Variants in ENDOG observed in about 807,000 individuals in gnomAD.
ENDOG encodes the protein endonuclease G, mitochondrial.
ENDOG carries 22 observed loss-of-function variants against 22.6 expected under a neutral mutation model. That is an observed-to-expected ratio of 0.97 (90% CI 0.70 to 1.39). The LOEUF (loss-of-function observed/expected upper bound fraction) is 1.39, where lower values mean the gene tolerates loss of function less well. Ranked by LOEUF, ENDOG falls within the 40% of genes most tolerant of loss-of-function variation. The pLI, the probability that ENDOG is intolerant of heterozygous loss-of-function variation, is 0.00. For synonymous variants in ENDOG, 173 were observed against 200.2 expected (o/e 0.86, Z 1.15); for missense variants, 403 against 431.3 (o/e 0.93, Z 0.58).
At chr9:128,820,670 G>A in intron 1 of ENDOG, 69 bp from the exon 2 acceptor site, 2 of 1,347,212 alleles carry the variant, frequency 1.5e-6, no homozygotes, top group Non-Finnish European at 2.1e-6. Context: ...CTCAGGACCT[G>A]GGGCGGCCCT....
intron 2 of ENDOG, 196 bp downstream of exon 2, chr9:128,821,044 CT>C (rs1830103332): frequency 1.7e-6 from 1 of 594,536 alleles, no homozygotes; most frequent in African/African-American, 1.9e-5. Context: ...TCGGGTACCC[CT>C]GACCATCTCT....
In ENDOG at chr9:128,822,305, C is replaced by T. The variant is rs373823808; in HGVS notation, c.612-23C>T. ...TGGGTTCATCCAGGCCCCCTGCCCA[C>T]GTGTGCCTGGGTCTGCCCACAGGAC... On this transcript the variant is annotated intron_variant, in intron 2 of 2. Coordinates refer to ENST00000372642, the MANE Select transcript of ENDOG (RefSeq NM_004435.2). 3.9e-5 allele frequency: 62 copies of T among 1,606,022 alleles called. No individual in the cohort carries two copies. In the African/African-American group the frequency reaches 6.1e-4, roughly 16 times the overall value.
chr9:128,820,626 T>C lies in ENDOG; in HGVS notation c.502-113T>C, dbSNP rs1268929289. On this transcript the variant is annotated intron_variant, in intron 1 of 2. Coordinates refer to ENST00000372642, the MANE Select transcript of ENDOG (RefSeq NM_004435.2). ...CCTTGAGCCTCAGTTTCCCCCCGCT[T>C]GTCTCACTGGATATCTCTGAGCCTG... The C allele has an allele frequency of 1.2e-5, 10 of 836,474 alleles. No homozygotes were observed. In the African/African-American group the frequency reaches 1.7e-4, roughly 14 times the overall value. The allele number at this position is 836,474 out of a possible 1,614,324, so 51.8% of individuals were successfully genotyped here.
intron 1 of ENDOG, 64 bp from the exon 2 acceptor site, chr9:128,820,675 G>A (rs1050317004): frequency 8.0e-6 from 11 of 1,381,760 alleles, no homozygotes; most frequent in Admixed American, 2.0e-5. Flanking sequence ...GACCTGGGGC[G>A]GCCCTCTGAT....
At position 128,819,077 on chromosome 9, in the gene ENDOG, C is replaced by T; in HGVS notation, c.393C>T (p.Asp131=). ...CGTACCACCGTGCCACCAACGCCGA[C>T]TACCGCGGCAGTGGCTTCGACCGCG... is the stretch of plus-strand genomic sequence containing the variant. The part of the protein sequence containing the change: ...VHAYHRATNA[D]YRGSGFDRGH... Residue 131 remains aspartate (D), a synonymous_variant, in exon 1 of 3, where the codon GAC becomes GAT. Coordinates refer to ENST00000372642, the MANE Select transcript of ENDOG (RefSeq NM_004435.2). 6.6e-7 allele frequency: 1 copy of T among 1,518,314 alleles called. No individual in the cohort carries two copies. The highest frequency in any genetic ancestry group is 8.8e-7 in the Non-Finnish European group (1 of 1,138,640). 94.1% of individuals were successfully genotyped at this position (1,518,314 alleles called of 1,614,324 possible). A position where few individuals can be genotyped will look rare whatever the true frequency, so the allele number is the denominator to read the frequency against.
In ENDOG at chr9:128,822,562, C is replaced by G; in HGVS notation, c.846C>G (p.Ile282Met). Residue 282 changes from isoleucine (I) to methionine (M), a missense_variant, in exon 3 of 3, where the codon ATC (isoleucine) becomes ATG (methionine). Coordinates refer to ENST00000372642, the MANE Select transcript of ENDOG (RefSeq NM_004435.2). Reference sequence around the variant, plus strand: ...CGGGGCTGCTCTTTGTGCCAAACATCCTGGCGCGGGCAGGCAGCCTCAAGG... The same window carrying G: ...CGGGGCTGCTCTTTGTGCCAAACATGCTGGCGCGGGCAGGCAGCCTCAAGG... ...RASGLLFVPN[I>M]LARAGSLKAI... 13 of 1,564,544 alleles carry G rather than the reference C, an allele frequency of 8.3e-6. No individual in the cohort carries two copies. The highest frequency in any genetic ancestry group is 1.1e-5 in the Non-Finnish European group (13 of 1,154,226).
At position 128,818,614 on chromosome 9, in the gene ENDOG, C is replaced by T; in HGVS notation, c.-71C>T. ...TCCGCGGCCCCAGCAGCCCTGTGCC[C>T]TCGTTGGATCCCGCGACGCGGCTCC... On this transcript the variant is annotated 5_prime_UTR_variant, in exon 1 of 3. Transcript: ENST00000372642. The T allele has an allele frequency of 9.2e-7, 1 of 1,086,834 alleles. No homozygotes were observed. The highest frequency in any genetic ancestry group is 1.1e-6 in the Non-Finnish European group (1 of 895,606). 67.3% of individuals were successfully genotyped at this position (1,086,834 alleles called of 1,614,324 possible). A position where few individuals can be genotyped will look rare whatever the true frequency, so the allele number is the denominator to read the frequency against.
chr9:128,822,073 T>A (rs935044604), intron 2 of ENDOG: 7 of 553,912 alleles, frequency 1.3e-5, no homozygotes, highest in Non-Finnish European at 1.6e-5. Flanking sequence ...GGCTCGATTC[T>A]CCTAGCAGCG....
intron 2 of ENDOG, 122 bp downstream of exon 2, chr9:128,820,970 T>C: frequency 1.2e-6 from 1 of 859,614 alleles, no homozygotes; most frequent in Non-Finnish European, 1.8e-6. Context: ...ATCTGGTTTC[T>C]TGGCAAGCCT....
intron 1 of ENDOG, 117 bp from the exon 2 acceptor site, chr9:128,820,622 C>T (rs533287159): frequency 1.2e-4 from 97 of 816,444 alleles, no homozygotes; most frequent in Non-Finnish European, 1.6e-4. Flanking sequence ...AGTTTCCCCC[C>T]GCTTGTCTCA....
chr9:128,822,304 A>T, intron 2 of ENDOG, 24 bp from the exon 3 acceptor site: 1 of 1,606,034 alleles, frequency 6.2e-7, no homozygotes, highest in African/African-American at 1.3e-5. Flanking sequence ...CCCCCTGCCC[A>T]CGTGTGCCTG....
At position 128,818,811 on chromosome 9, in the gene ENDOG, C is replaced by G; in HGVS notation, c.127C>G (p.Leu43Val). ...APGLLGRLPVLPVAAAAELPP... is the reference protein window; with the variant it reads ...APGLLGRLPVVPVAAAAELPP... ...GGGACTGCTGGGCCGGCTGCCCGTGCTGCCCGTGGCGGCGGCAGCCGAGTT... is the reference window on the plus strand; with the variant it reads ...GGGACTGCTGGGCCGGCTGCCCGTGGTGCCCGTGGCGGCGGCAGCCGAGTT... Residue 43 changes from leucine to valine, a missense_variant, in exon 1 of 3, where the codon CTG (leucine) becomes GTG (valine). By Grantham distance (32) the Leu-to-Val change is conservative. Coordinates refer to ENST00000372642, the MANE Select transcript of ENDOG (RefSeq NM_004435.2). 7.8e-7 allele frequency: 1 copy of G among 1,281,192 alleles called. No individual in the cohort carries two copies. Among genetic ancestry groups the G allele is most frequent in the Non-Finnish European group, 9.9e-7 (1 of 1,015,050 alleles). The allele number at this position is 1,281,192 out of a possible 1,614,324, so 79.4% of individuals were successfully genotyped here.
In ENDOG at chr9:128,818,850, G is replaced by A. The variant is rs1363625307; in HGVS notation, c.166G>A (p.Gly56Arg). The A allele has an allele frequency of 5.7e-6, 8 of 1,392,996 alleles. No individual in the cohort carries two copies. The highest frequency in any genetic ancestry group is 3.1e-5 in the East Asian group (1 of 32,546). The allele number at this position is 1,392,996 out of a possible 1,614,324, so 86.3% of individuals were successfully genotyped here. Residue 56 changes from glycine to arginine, a missense_variant, in exon 1 of 3, where the codon GGG (glycine) becomes AGG (arginine). By Grantham distance (125) the Gly-to-Arg change is moderately radical. Coordinates refer to ENST00000372642, the MANE Select transcript of ENDOG (RefSeq NM_004435.2). ...GGCAGCCGAGTTGCCCCCTGTGCCC[G>A]GGGGACCCCGCGGCCCGGGCGAGCT... is the stretch of plus-strand genomic sequence containing the variant. ...AAAAELPPVP[G>R]GPRGPGELAK...
chr9:128,822,141 G>T, intron 2 of ENDOG, 187 bp from the exon 3 acceptor site: 1 of 669,430 alleles, frequency 1.5e-6, no homozygotes, highest in Non-Finnish European at 2.5e-6. Flanking sequence ...CAGAGGGAAA[G>T]AGTTAACCAC....
Position 128,819,011 on chromosome 9 carries a change from C to T in ENDOG, c.327C>T (p.Asp109=). The change falls in exon 1 of 3, where the codon GAC becomes GAT. Residue 109 remains aspartate (D), a synonymous_variant. Coordinates refer to ENST00000372642, the MANE Select transcript of ENDOG (RefSeq NM_004435.2). ...LRPERLRGDG[D]RRECDFREDD... is the part of the protein sequence containing the mutation. ...CCGAGCGTCTCCGCGGCGACGGCGA[C>T]CGGCGCGAGTGCGACTTCCGCGAGG... 2 of 1,485,038 alleles carry T rather than the reference C, an allele frequency of 1.3e-6. No homozygotes were observed. The highest frequency in any genetic ancestry group is 2.8e-5 in the East Asian group (1 of 36,094). 92.0% of individuals were successfully genotyped at this position (1,485,038 alleles called of 1,614,324 possible).
rs1282524326 is a variant in ENDOG, at chr9:128,822,470, G to A, written c.754G>A (p.Ala252Thr). The A allele has an allele frequency of 3.2e-6, 5 of 1,572,932 alleles. No individual in the cohort carries two copies. Among genetic ancestry groups the A allele is most frequent in the East Asian group, 2.4e-5 (1 of 42,454 alleles). ...IELRTYVMPN[A>T]PVDEAIPLER... is the part of the protein sequence containing the mutation. ...GCTCCGCACCTACGTGATGCCCAACGCACCTGTGGATGAGGCCATCCCACT... is the reference window on the plus strand; with the variant it reads ...GCTCCGCACCTACGTGATGCCCAACACACCTGTGGATGAGGCCATCCCACT... The change falls in exon 3 of 3, where the codon GCA becomes ACA. Residue 252 changes from alanine (A) to threonine (T), a missense_variant. By Grantham distance (58) the Ala-to-Thr change is moderately conservative. Transcript: ENST00000372642.
chr9:128,820,738 G>T lies in ENDOG; in HGVS notation c.502-1G>T, dbSNP rs535536814. On this transcript the variant is annotated splice_acceptor_variant, in intron 1 of 2. Coordinates refer to ENST00000372642, the MANE Select transcript of ENDOG (RefSeq NM_004435.2). LOFTEE classifies it high-confidence loss of function. ...CTGCTAAGCCCTATCTCTCCTACCA[G>T]GTGCCCCACCTCAACCAGAATGCCT... is the stretch of plus-strand genomic sequence containing the variant. 6.2e-7 allele frequency: 1 copy of T among 1,607,762 alleles called. No homozygotes were observed. Among genetic ancestry groups the T allele is most frequent in the South Asian group, 1.1e-5 (1 of 89,852 alleles).
In ENDOG at chr9:128,820,853, G is replaced by A. The variant is rs2132579344; in HGVS notation, c.611+5G>A. On this transcript the variant is annotated splice_donor_5th_base_variant and intron_variant, in intron 2 of 2. Coordinates refer to ENST00000372642, the MANE Select transcript of ENDOG (RefSeq NM_004435.2). ...AGGGCCACTCTTCCTGCCCAGGTAA[G>A]GTGGAAACCAGGGGGGCGGCAGAAC... is the stretch of plus-strand genomic sequence containing the variant. 4.4e-6 allele frequency: 7 copies of A among 1,603,804 alleles called. No individual in the cohort carries two copies. Among genetic ancestry groups the A allele is most frequent in the Non-Finnish European group, 5.1e-6 (6 of 1,174,560 alleles).
Position 128,818,926 on chromosome 9 carries a change from ACGTG to A in ENDOG, c.244_247del (p.Val82CysfsTer79). 1 of 1,484,094 alleles carries A rather than the reference ACGTG, an allele frequency of 6.7e-7. No individual in the cohort carries two copies. The highest frequency in any genetic ancestry group is 8.9e-7 in the Non-Finnish European group (1 of 1,125,888). The allele number at this position is 1,484,094 out of a possible 1,614,324, so 91.9% of individuals were successfully genotyped here. On this transcript the variant is annotated frameshift_variant, in exon 1 of 3. Transcript: ENST00000372642. LOFTEE classifies it high-confidence loss of function. ...GCGCAGCTCAAGAGCCGCGAGTCGT[ACGTG>A]CTGTGCTACGACCCGCGCACCCGCG...
Sources: gnomAD v4.1 joint callset for allele counts on GRCh38, gnomAD v4.1.1 for gene constraint, MANE v1.5 for transcripts, NCBI Gene and HGNC (gene_info 2026-07-23, HGNC 2026-07-21) for gene names.